The following DOCK8 variants were observed in gnomAD, a reference collection of about 807,000 sequenced individuals.
DOCK8 encodes the protein dedicator of cytokinesis protein 8.
A neutral mutation model predicts 245.6 loss-of-function variants in DOCK8; 141 were observed. The ratio of observed to expected loss-of-function variants is 0.57; its 90% CI spans 0.50 to 0.66. The LOEUF is 0.66. Among genes scored for constraint, DOCK8 ranks in the 30% least tolerant of loss-of-function variants. The probability of loss-of-function intolerance (pLI) is 0.00; values close to 1 mark genes in which losing one functional copy is unlikely to be tolerated. For synonymous variants in DOCK8, 1,168 were observed against 970.2 expected (o/e 1.20, Z -3.79); for missense variants, 2,965 against 2,603.4 (o/e 1.14, Z -3.02).
At chr9:275,224 C>T (rs963045542) in intron 2 of DOCK8, among the ~76,000 whole-genome samples, 1 of 152,142 alleles carries the variant, frequency 6.6e-6, no homozygotes, top group African/African-American at 2.4e-5. Flanking sequence ...TACGATTTGG[C>T]ACTATGGAGA....
intron 1 of DOCK8, among the ~76,000 whole-genome samples, chr9:224,311 G>C (rs2046945390): frequency 3.3e-5 from 5 of 152,134 alleles, no homozygotes; most frequent in Admixed American, 6.5e-5. Flanking sequence ...TTTGACCCAA[G>C]ATAAGCAGTT....
chr9:325,343 C>A (rs2050715244), intron 7 of DOCK8, among the ~76,000 whole-genome samples: 1 of 152,090 alleles, frequency 6.6e-6, no homozygotes, highest in African/African-American at 2.4e-5. Context: ...CCTCTGAAAA[C>A]ACAGTAGTTA....
At chr9:444,537 G>C (rs1373359181) in intron 43 of DOCK8, among the ~76,000 whole-genome samples, 1 of 151,978 alleles carries the variant, frequency 6.6e-6, no homozygotes, top group Non-Finnish European at 1.5e-5. Flanking sequence ...AGGAAGCTCC[G>C]CCAAGTCTCA....
At chr9:273,720 T>C (rs1249116768) in intron 2 of DOCK8, among the ~76,000 whole-genome samples, 2 of 150,530 alleles carry the variant, frequency 1.3e-5, no homozygotes, top group Non-Finnish European at 3.0e-5. Context: ...GGAGTTTAGC[T>C]CTTGTCACGC....
chr9:224,077 A>C (rs916898241), intron 1 of DOCK8, among the ~76,000 whole-genome samples: 1 of 152,340 alleles, frequency 6.6e-6, no homozygotes, highest in South Asian at 2.1e-4. Context: ...AGTAATTGCA[A>C]AGAGGAGTTC....
Position 426,996 on chromosome 9 carries a change from C to T in DOCK8, c.4338+15C>T. 6.2e-7 allele frequency: 1 copy of T among 1,601,970 alleles called. No individual in the cohort carries two copies. The highest frequency in any genetic ancestry group is 8.6e-7 in the Non-Finnish European group (1 of 1,169,320). On this transcript the variant is annotated intron_variant, in intron 34 of 47. Coordinates refer to ENST00000432829, the MANE Select transcript of DOCK8 (RefSeq NM_203447.4). ...ACATTATCCAGGTGAGGAAAACAAA[C>T]ACCCAATCTGATTTGTTGGCCATGA...
intron 1 of DOCK8, among the ~76,000 whole-genome samples, chr9:244,411 C>T (rs2047454680): frequency 6.6e-6 from 1 of 152,022 alleles, no homozygotes; most frequent in South Asian, 2.1e-4. Context: ...AGCCACTAAA[C>T]TGATCTCAGA....
At chr9:252,524 C>G (rs960766398) in intron 1 of DOCK8, among the ~76,000 whole-genome samples, 2 of 151,858 alleles carry the variant, frequency 1.3e-5, no homozygotes, top group African/African-American at 4.8e-5. Flanking sequence ...CTATGTAGGT[C>G]GGGCACAGTG....
chr9:348,086 G>A (rs1218524822), intron 14 of DOCK8, among the ~76,000 whole-genome samples: 4 of 152,018 alleles, frequency 2.6e-5, no homozygotes, highest in Admixed American at 1.3e-4. Flanking sequence ...TTTTATTCTA[G>A]CCTGTCAGTT....
chr9:225,589 T>A (rs377172676), intron 1 of DOCK8, among the ~76,000 whole-genome samples: 1 of 152,202 alleles, frequency 6.6e-6, no homozygotes, highest in East Asian at 1.9e-4. Context: ...TGCATATTGC[T>A]TATAGCCTAC....
intron 24 of DOCK8, among the ~76,000 whole-genome samples, chr9:395,907 T>C (rs2054431190): frequency 6.6e-6 from 1 of 152,208 alleles, no homozygotes; most frequent in Non-Finnish European, 1.5e-5. Flanking sequence ...CATATAGATA[T>C]ATCTGTATAT....
rs1407548330 is a variant in DOCK8 at position 396,894 on chromosome 9, T to C, written c.3080T>C (p.Val1027Ala). 24 of 1,614,068 alleles carry C rather than the reference T, an allele frequency of 1.5e-5. No individual in the cohort carries two copies. The highest frequency in any genetic ancestry group is 1.9e-5 in the Non-Finnish European group (22 of 1,180,048). Reference sequence around the variant, plus strand: ...GACATAACTACTATTGTTAATGTGGTCACCTCGGAAATTGCAGCCCTTTTA... The same window carrying C: ...GACATAACTACTATTGTTAATGTGGCCACCTCGGAAATTGCAGCCCTTTTA... ...MDDITTIVNV[V>A]TSEIAALLVK... The change falls in exon 25 of 48, where the codon GTC becomes GCC. Residue 1027 changes from valine to alanine, a missense_variant. Physicochemically the swap from Val to Ala is moderately conservative, Grantham distance 64. Transcript: ENST00000432829.
At chr9:352,237 A>G (rs1398297670) in intron 14 of DOCK8, among the ~76,000 whole-genome samples, 1 of 152,254 alleles carries the variant, frequency 6.6e-6, no homozygotes, top group South Asian at 2.1e-4. Flanking sequence ...AAGGTCACTG[A>G]TTGTTACAGG....
rs567316200 is a variant in DOCK8 at position 255,702 on chromosome 9, A to G, written c.54-15925A>G. ...AAAAAAAAAAAAAAAAACAGCTCAA[A>G]TAACTTTACCGTACATAACTTTACC... On this transcript the variant is annotated intron_variant, in intron 1 of 47. Coordinates refer to ENST00000432829, the MANE Select transcript of DOCK8 (RefSeq NM_203447.4). Among the ~76,000 whole-genome samples the G allele has an allele frequency of 8.0e-5, 12 of 149,238 alleles. No homozygotes were observed. In the South Asian group the frequency reaches 8.6e-4, roughly 11 times the overall value.
chr9:339,172 T>C lies in DOCK8; in HGVS notation c.1516+73T>C, dbSNP rs148460175. 6,769 of 1,244,346 alleles carry C rather than the reference T, an allele frequency of 5.4e-3. 74 individuals are homozygous for C. Among genetic ancestry groups the C allele is most frequent in the South Asian group, 0.022 (1,780 of 81,564 alleles). The allele number at this position is 1,244,346 out of a possible 1,614,324, so 77.1% of individuals were successfully genotyped here. On this transcript the variant is annotated intron_variant, in intron 13 of 47. Coordinates refer to ENST00000432829, the MANE Select transcript of DOCK8 (RefSeq NM_203447.4). Reference sequence around the variant, plus strand: ...ATCGTTAGACACAGTCTTTGTCTAATGCCAGAATTTATAAAATCATGTTTG... The same window carrying C: ...ATCGTTAGACACAGTCTTTGTCTAACGCCAGAATTTATAAAATCATGTTTG...
chr9:259,974 T>G (rs188597284), intron 1 of DOCK8, among the ~76,000 whole-genome samples: 63 of 152,344 alleles, frequency 4.1e-4, no homozygotes, highest in African/African-American at 1.5e-3. Flanking sequence ...CTATGTGGCT[T>G]TGTTCCCAGA....
At chr9:424,214 C>T (rs953972322) in intron 33 of DOCK8, among the ~76,000 whole-genome samples, 1 of 148,426 alleles carries the variant, frequency 6.7e-6, no homozygotes, top group Non-Finnish European at 1.5e-5. Context: ...GAGCAATGAT[C>T]TTCAACTTAG....
chr9:232,347 C>G (rs991776163), intron 1 of DOCK8, among the ~76,000 whole-genome samples: 2 of 152,132 alleles, frequency 1.3e-5, no homozygotes, highest in Non-Finnish European at 2.9e-5. Flanking sequence ...GGATATTGGT[C>G]TAAAATTCTC....
rs113496180 is a variant in DOCK8 at position 400,981 on chromosome 9, C to T, written c.3234+1722C>T. Among the ~76,000 whole-genome samples the T allele has an allele frequency of 4.4e-3, 269 of 60,606 alleles. 103 individuals are homozygous for T. In the African/African-American group the frequency reaches 0.11, roughly 25 times the overall value. 39.8% of individuals were successfully genotyped at this position (60,606 alleles called of 152,430 possible). A position where few individuals can be genotyped will look rare whatever the true frequency, so the allele number is the denominator to read the frequency against. ...CCACCACCACCTCCTCCACCATCAC[C>T]ACCTCCTCCACCACCACCACCATTA... is the stretch of plus-strand genomic sequence containing the variant. On this transcript the variant is annotated intron_variant, in intron 26 of 47. Transcript: ENST00000432829.
Sources: gnomAD v4.1 joint callset for allele counts (sites outside exome capture counted in the v4.1 genomes callset) on GRCh38, gnomAD v4.1.1 for gene constraint, MANE v1.5 for transcripts, NCBI Gene and HGNC (gene_info 2026-07-23, HGNC 2026-07-21) for gene names.